COL23A1: variants seen among roughly 807,000 people sequenced by gnomAD.
COL23A1 encodes the protein collagen type XXIII alpha 1 chain.
Under a neutral mutation model 99.3 loss-of-function variants are expected in COL23A1, and 97 were observed. The observed-to-expected ratio is 0.98, with a 90% CI of 0.83 to 1.16. The LOEUF is 1.16. COL23A1 is among the 50% of genes most tolerant of loss of function. COL23A1 has a pLI of 0.00. For missense variants in COL23A1, 762 were observed against 757.4 expected, an observed-to-expected ratio of 1.01 and a Z score of -0.07; for synonymous variants, 320 against 308.2, an observed-to-expected ratio of 1.04 and a Z score of -0.40.
intron 2 of COL23A1, among the ~76,000 whole-genome samples, chr5:178,517,995 A>T (rs1469154963): frequency 1.5e-5 from 2 of 129,294 alleles, no homozygotes; most frequent in African/African-American, 6.8e-5. Flanking sequence ...GTCAGCAGAT[A>T]AACAAGTGAA....
chr5:178,583,974 A>C (rs1204666156), intron 1 of COL23A1, among the ~76,000 whole-genome samples: 1 of 151,954 alleles, frequency 6.6e-6, no homozygotes, highest in Non-Finnish European at 1.5e-5. Flanking sequence ...AGCAATCCTC[A>C]CACCTCAGTG....
chr5:178,546,807 C>T (rs531023739), intron 2 of COL23A1, among the ~76,000 whole-genome samples: 2 of 152,334 alleles, frequency 1.3e-5, no homozygotes, highest in East Asian at 1.9e-4. Context: ...CCTGAGGCAA[C>T]TCCGTGCCAA....
In COL23A1 at chr5:178,243,386, T is replaced by C. The variant is rs189016979; in HGVS notation, c.1441-992A>G. Among the ~76,000 whole-genome samples, 392 of 145,196 alleles carry C rather than the reference T, an allele frequency of 2.7e-3. 2 individuals carry two copies. The highest frequency in any genetic ancestry group is 9.7e-3 in the African/African-American group (377 of 38,790). On this transcript the variant is annotated intron_variant, in intron 25 of 28. Coordinates refer to ENST00000390654, the MANE Select transcript of COL23A1 (RefSeq NM_173465.4). ...CCTGTAGTCCCAGCTACTTGGGAGGTTGAGGCAGGAGAATCGCTTGAACCC... is the reference window on the plus strand; with the variant it reads ...CCTGTAGTCCCAGCTACTTGGGAGGCTGAGGCAGGAGAATCGCTTGAACCC...
chr5:178,342,667 T>C (rs964048842), intron 2 of COL23A1, among the ~76,000 whole-genome samples: 1 of 152,196 alleles, frequency 6.6e-6, no homozygotes, highest in African/African-American at 2.4e-5. Context: ...CAATATGATG[T>C]GTACAGGATA....
intron 2 of COL23A1, among the ~76,000 whole-genome samples, chr5:178,509,487 C>T (rs981024387): frequency 2.6e-5 from 4 of 152,180 alleles, no homozygotes; most frequent in Non-Finnish European, 5.9e-5. Context: ...TCCCAAAGTG[C>T]TGGGATTACA....
At chr5:178,328,469 T>C (rs141457895) in intron 2 of COL23A1, among the ~76,000 whole-genome samples, 1,575 of 152,302 alleles carry the variant, frequency 0.01, 31 homozygotes, top group African/African-American at 0.036. Context: ...CCTGACTCTT[T>C]CATAGGCTAT....
At chr5:178,515,574 C>T (rs1402459282) in intron 2 of COL23A1, among the ~76,000 whole-genome samples, 1 of 152,192 alleles carries the variant, frequency 6.6e-6, no homozygotes, top group Non-Finnish European at 1.5e-5. Context: ...ACTCAGCACC[C>T]CTCCTTCTTC....
At chr5:178,240,814 C>T (rs1476198077) in intron 27 of COL23A1, among the ~76,000 whole-genome samples, 1 of 152,270 alleles carries the variant, frequency 6.6e-6, no homozygotes, top group Non-Finnish European at 1.5e-5. Flanking sequence ...GGCCTGCACA[C>T]ATCCCCGTGG....
At chr5:178,258,585 T>C (rs528772849) in intron 12 of COL23A1, among the ~76,000 whole-genome samples, 18 of 151,864 alleles carry the variant, frequency 1.2e-4, no homozygotes, top group Non-Finnish European at 2.2e-4. Context: ...TTAGTAGAGA[T>C]GGGGTTTCAC....
chr5:178,306,400 T>G lies in COL23A1; in HGVS notation c.406+475A>C, dbSNP rs1581121593. 6.8e-6 allele frequency among the ~76,000 whole-genome samples: 1 copy of G among 147,870 alleles called. No homozygotes were observed. The highest frequency in any genetic ancestry group is 2.5e-5 in the African/African-American group (1 of 39,866). On this transcript the variant is annotated intron_variant, in intron 3 of 28. Transcript: ENST00000390654. The surrounding 1 kb of genome is among the most constrained non-coding windows in gnomAD (Gnocchi z 4.1). ...AAGCAGAGACAGCAGGAAGGAAGGG[T>G]GGTGAATACAGGTGCCTCTGTGGGC... is the stretch of plus-strand genomic sequence containing the variant.
intron 3 of COL23A1, among the ~76,000 whole-genome samples, chr5:178,297,922 C>T (rs1757833004): frequency 6.6e-6 from 1 of 152,294 alleles, no homozygotes; most frequent in Non-Finnish European, 1.5e-5. Flanking sequence ...GACTGTACGG[C>T]CTGCAGCAAG....
At chr5:178,520,183 C>T (rs759805947) in intron 2 of COL23A1, among the ~76,000 whole-genome samples, 1 of 151,868 alleles carries the variant, frequency 6.6e-6, no homozygotes, top group East Asian at 1.9e-4. Context: ...GTGAATGCAT[C>T]GAAGGATGGA....
At position 178,556,674 on chromosome 5, in the gene COL23A1, C is replaced by T. The variant is rs909805112; in HGVS notation, c.361+4008G>A. 1.0e-4 allele frequency among the ~76,000 whole-genome samples: 11 copies of T among 106,024 alleles called. 1 individual carries two copies. In the South Asian group the frequency reaches 3.5e-3, roughly 33 times the overall value. The allele number at this position is 106,024 out of a possible 152,430, so 69.6% of individuals were successfully genotyped here. On this transcript the variant is annotated intron_variant, in intron 2 of 28. Transcript: ENST00000390654. ...AATAAAATAAAATAAAATAAAAAAG[C>T]TGAGTGTGGTAGCTCATGCCTGTAG...
rs113364918 is a variant in COL23A1 at position 178,431,599 on chromosome 5, G to T, written c.362-124680C>A. Among the ~76,000 whole-genome samples the T allele has an allele frequency of 5.3e-5, 8 of 152,210 alleles. No individual in the cohort carries two copies. The East Asian group carries it at 7.7e-4, about 15-fold the overall frequency. On this transcript the variant is annotated intron_variant, in intron 2 of 28. Coordinates refer to ENST00000390654, the MANE Select transcript of COL23A1 (RefSeq NM_173465.4). ...CGATGTGGCCATGGAGCAGAGACTG[G>T]AGTGATGCAGCCACAAGCCAAGGAA...
At chr5:178,557,019 C>CA in intron 2 of COL23A1, among the ~76,000 whole-genome samples, 1 of 152,162 alleles carries the variant, frequency 6.6e-6, no homozygotes, top group East Asian at 1.9e-4. Flanking sequence ...TCTGCCGTGG[C>CA]AAAAAATTAC....
At chr5:178,550,063 T>C (rs1312997260) in intron 2 of COL23A1, among the ~76,000 whole-genome samples, 1 of 152,180 alleles carries the variant, frequency 6.6e-6, no homozygotes, top group Non-Finnish European at 1.5e-5. Flanking sequence ...TTCTTGCTTC[T>C]AGCAAATTAC....
At chr5:178,358,236 G>GTGTA (rs1338516421) in intron 2 of COL23A1, among the ~76,000 whole-genome samples, 1 of 78,762 alleles carries the variant, frequency 1.3e-5, no homozygotes, top group African/African-American at 7.2e-5. Context: ...GTGTGTATGT[G>GTGTA]TGTATGTGTA....
At chr5:178,406,278 TA>T (rs1764758344) in intron 2 of COL23A1, among the ~76,000 whole-genome samples, 1 of 152,138 alleles carries the variant, frequency 6.6e-6, no homozygotes, top group African/African-American at 2.4e-5. Context: ...AAGCTTAAAA[TA>T]ACTCTCCTGA....
intron 2 of COL23A1, among the ~76,000 whole-genome samples, chr5:178,492,641 C>A (rs1230751452): frequency 6.6e-6 from 1 of 151,504 alleles, no homozygotes; most frequent in East Asian, 1.9e-4. Flanking sequence ...GAGGATGTTA[C>A]ACGAAGTGAA....
Sources: allele counts gnomAD v4.1 joint callset (sites outside exome capture counted in the v4.1 genomes callset), GRCh38; gene constraint gnomAD v4.1.1; non-coding constraint Gnocchi (gnomAD v3.1); transcripts MANE v1.5; gene names NCBI Gene and HGNC (gene_info 2026-07-23, HGNC 2026-07-21).